Variants in ZNF615 observed in about 807,000 individuals in gnomAD.
ZNF615 encodes zinc finger protein 615.
ZNF615 carries 15 observed loss-of-function variants against 15.3 expected under a neutral mutation model. That is an observed-to-expected ratio of 0.98 (90% CI 0.66 to 1.51). The LOEUF is 1.51. Ranked by LOEUF, ZNF615 falls within the 40% of genes most tolerant of loss-of-function variation. The pLI, the probability that ZNF615 is intolerant of heterozygous loss-of-function variation, is 0.00. For synonymous variants in ZNF615, 268 were observed against 294.6 expected (o/e 0.91, Z 0.92); for missense variants, 848 against 895.9 (o/e 0.95, Z 0.68).
chr19:52,007,132 A>G (rs935316339), intron 2 of ZNF615, among the ~76,000 whole-genome samples, 161 bp downstream of exon 2: 3 of 152,248 alleles, frequency 2.0e-5, no homozygotes, highest in Non-Finnish European at 4.4e-5. Context: ...AAACAGTAAA[A>G]ACAACTTCTA....
intron 5 of ZNF615, among the ~76,000 whole-genome samples, chr19:52,001,414 T>A (rs1287005195): frequency 6.6e-6 from 1 of 151,794 alleles, no homozygotes; most frequent in Non-Finnish European, 1.5e-5. Context: ...GGTCAAGAGA[T>A]CAAGACCATC....
chr19:51,993,881 A>G lies in ZNF615; in HGVS notation c.1228T>C (p.Leu410=). The G allele has an allele frequency of 6.2e-7, 1 of 1,613,428 alleles. No individual in the cohort carries two copies. The change falls in exon 7 of 7, where the codon TTA becomes CTA. Residue 410 remains leucine, a synonymous_variant. Coordinates refer to ENST00000598071, the MANE Select transcript of ZNF615 (RefSeq NM_001199324.2). ...TTTCCACATTCACTACATGTATATA[A>G]TTTCTCTCCTGTATGAGTTTGCTGA... is the stretch of plus-strand genomic sequence containing the variant. ...THQQTHTGEK[L]YTCSECGKGF... is the part of the protein sequence containing the mutation.
At chr19:52,001,948 CG>C in intron 4 of ZNF615, 40 bp from the exon 5 acceptor site, 1 of 1,608,924 alleles carries the variant, frequency 6.2e-7, no homozygotes, top group Non-Finnish European at 8.5e-7. Flanking sequence ...ACAAATCAAA[CG>C]GGGCTGGCAA....
Position 51,993,723 on chromosome 19 carries a change from A to G in ZNF615, c.1386T>C (p.Thr462=). The G allele has an allele frequency of 2.5e-6, 4 of 1,612,516 alleles. No individual in the cohort carries two copies. Among genetic ancestry groups the G allele is most frequent in the Non-Finnish European group, 3.4e-6 (4 of 1,179,588 alleles). ...CGGTGCATACATAGGGTTTCTCTCC[A>G]GTATGTGTTCGCTGATGTCTGATGA... is the stretch of plus-strand genomic sequence containing the variant. ...SPLIRHQRTH[T]GEKPYVCTEC... Residue 462 remains threonine (T), a synonymous_variant, in exon 7 of 7, where the codon ACT becomes ACC. Transcript: ENST00000598071.
chr19:51,993,131 T>C lies in ZNF615; in HGVS notation c.1978A>G (p.Lys660Glu). ...CATTCAGTACATGCAAAGGAAGTCT[T>C]TCCTGTGTGAAATCGCTGATGTTGT... ...LIQHQRFHTG[K>E]TSFACTECGK... Residue 660 changes from lysine (K) to glutamate (E), a missense_variant, in exon 7 of 7, where the codon AAG becomes GAG. Physicochemically the swap from Lys to Glu is moderately conservative, Grantham distance 56. Transcript: ENST00000598071. 6.2e-7 allele frequency: 1 copy of C among 1,614,216 alleles called. No homozygotes were observed. Among genetic ancestry groups the C allele is most frequent in the African/African-American group, 1.3e-5 (1 of 75,060 alleles).
Position 51,995,534 on chromosome 19 carries a change from T to C in ZNF615, c.272-697A>G, listed in dbSNP as rs539395080. Among the ~76,000 whole-genome samples, 13 of 151,942 alleles carry C rather than the reference T, an allele frequency of 8.6e-5. No individual in the cohort carries two copies. The East Asian group carries it at 2.5e-3, about 29-fold the overall frequency. Reference sequence around the variant, plus strand: ...AATGACATCTATGTGTAAGTCACTATGCTCATGTTTGGGATATACAAACAC... The same window carrying C: ...AATGACATCTATGTGTAAGTCACTACGCTCATGTTTGGGATATACAAACAC... On this transcript the variant is annotated intron_variant, in intron 6 of 6. Transcript: ENST00000598071.
At chr19:52,005,813 G>A (rs968940737) in intron 2 of ZNF615, among the ~76,000 whole-genome samples, 1 of 152,176 alleles carries the variant, frequency 6.6e-6, no homozygotes, top group Non-Finnish European at 1.5e-5. Flanking sequence ...TCAGTAGAAT[G>A]CAGTATAAAA....
Position 51,992,085 on chromosome 19 carries a change from C to G in ZNF615, c.*795G>C, listed in dbSNP as rs1022401410. ...TGAATATACTGTATCCAGTTTCATT[C>G]TGAAGTACTTTAGTTATTCTGAAAT... On this transcript the variant is annotated 3_prime_UTR_variant, in exon 7 of 7. Transcript: ENST00000598071. 6.6e-6 allele frequency: 1 copy of G among 152,138 alleles called. No homozygotes were observed. The highest frequency in any genetic ancestry group is 2.4e-5 in the African/African-American group (1 of 41,418). 9.4% of individuals were successfully genotyped at this position (152,138 alleles called of 1,614,324 possible).
In ZNF615 at chr19:51,993,872, A is replaced by G. The variant is rs767072970; in HGVS notation, c.1237T>C (p.Cys413Arg). 6 of 1,613,986 alleles carry G rather than the reference A, an allele frequency of 3.7e-6. No individual in the cohort carries two copies. The change falls in exon 7 of 7, where the codon TGT becomes CGT. Residue 413 changes from cysteine to arginine, a missense_variant. Coordinates refer to ENST00000598071, the MANE Select transcript of ZNF615 (RefSeq NM_001199324.2). Reference protein sequence around the residue: ...QTHTGEKLYTCSECGKGFSMK... With the variant: ...QTHTGEKLYTRSECGKGFSMK... ...GAAAAGCCTTTTCCACATTCACTAC[A>G]TGTATATAATTTCTCTCCTGTATGA... is the stretch of plus-strand genomic sequence containing the variant.
rs1483510596 is a variant in ZNF615, at chr19:51,993,165, T to C, written c.1944A>G (p.Thr648=). The C allele has an allele frequency of 5.6e-6, 9 of 1,614,152 alleles. No individual in the cohort carries two copies. In the East Asian group the frequency reaches 8.9e-5, roughly 16 times the overall value. ...GAAATCGCTGATGTTGTATGAGGCA[T>C]GTCTTCTTCCTGAAGGTTTTATCAC... ...NECDKTFRKK[T]CLIQHQRFHT... The change falls in exon 7 of 7, where the codon ACA becomes ACG. Residue 648 remains threonine, a synonymous_variant. Transcript: ENST00000598071.
rs2086361205 is a variant in ZNF615, at chr19:51,994,519, A to G, written c.590T>C (p.Ile197Thr). The change falls in exon 7 of 7, where the codon ATT becomes ACT. Residue 197 changes from isoleucine to threonine, a missense_variant. Physicochemically the swap from Ile to Thr is moderately conservative, Grantham distance 89 (BLOSUM62 -1). Coordinates refer to ENST00000598071, the MANE Select transcript of ZNF615 (RefSeq NM_001199324.2). ...TTGCTTAATGAACTGGGACTTATTA[A>G]TAGGTTTTGCAATTGCAGGAAACTT... ...EMKFPAIAKPINKSQFIKQQR... is the reference protein window; with the variant it reads ...EMKFPAIAKPTNKSQFIKQQR... 1 of 1,614,178 alleles carries G rather than the reference A, an allele frequency of 6.2e-7. No individual in the cohort carries two copies. The highest frequency in any genetic ancestry group is 1.3e-5 in the African/African-American group (1 of 75,050).
chr19:51,996,324 T>G (rs1369462293), intron 6 of ZNF615, among the ~76,000 whole-genome samples: 3 of 136,154 alleles, frequency 2.2e-5, no homozygotes, highest in African/African-American at 5.7e-5. Context: ...AGGTGGAGGT[T>G]GCAGTGGGCT....
In ZNF615 at chr19:51,998,088, T is replaced by C. The variant is rs146622669; in HGVS notation, c.271+2258A>G. On this transcript the variant is annotated intron_variant, in intron 6 of 6. Transcript: ENST00000598071. Reference sequence around the variant, plus strand: ...TCTACGTAGCAGGCAAAGTAATCTATCAAATAAATTAGTTATATCATGTCA... The same window carrying C: ...TCTACGTAGCAGGCAAAGTAATCTACCAAATAAATTAGTTATATCATGTCA... 4.6e-5 allele frequency among the ~76,000 whole-genome samples: 7 copies of C among 152,328 alleles called. No individual in the cohort carries two copies. The East Asian group carries it at 1.3e-3, about 29-fold the overall frequency.
intron 6 of ZNF615, 147 bp from the exon 7 acceptor site, chr19:51,994,984 T>G: frequency 1.2e-6 from 1 of 822,856 alleles, no homozygotes; most frequent in Non-Finnish European, 1.7e-6. Flanking sequence ...CAATAAAGCT[T>G]TTTAATCACC....
chr19:51,999,060 T>G (rs1016985100), intron 6 of ZNF615, among the ~76,000 whole-genome samples: 1 of 152,226 alleles, frequency 6.6e-6, no homozygotes, highest in African/African-American at 2.4e-5. Context: ...TATTTCTATA[T>G]TCTAGCAATG....
intron 5 of ZNF615, 66 bp downstream of exon 5, chr19:52,001,747 A>T (rs558073592): frequency 2.2e-6 from 3 of 1,366,150 alleles, no homozygotes; most frequent in South Asian, 2.3e-5. Context: ...CACTGCTTTG[A>T]CGCCTGCTCT....
Position 51,992,901 on chromosome 19 carries a change from T to C in ZNF615, c.2208A>G (p.Lys736=). ...KAFAHLSILV[K]HRRIHR is the part of the protein sequence containing the mutation. ...ATGACTACCTGTGAATTCTCCTGTG[T>C]TTAACAAGGATAGACAAGTGCGCAA... The change falls in exon 7 of 7, where the codon AAA becomes AAG. Residue 736 remains lysine (K), a synonymous_variant. Coordinates refer to ENST00000598071, the MANE Select transcript of ZNF615 (RefSeq NM_001199324.2). 3 of 1,614,058 alleles carry C rather than the reference T, an allele frequency of 1.9e-6. No individual in the cohort carries two copies. Among genetic ancestry groups the C allele is most frequent in the Middle Eastern group, 1.6e-4 (1 of 6,062 alleles).
In ZNF615 at chr19:51,993,750, T is replaced by C. The variant is rs751402770; in HGVS notation, c.1359A>G (p.Pro453=). 1.2e-6 allele frequency: 2 copies of C among 1,611,718 alleles called. No individual in the cohort carries two copies. Among genetic ancestry groups the C allele is most frequent in the African/African-American group, 1.3e-5 (1 of 74,206 alleles). ...ECGKGFALKS[P]LIRHQRTHTG... ...TATGTGTTCGCTGATGTCTGATGAG[T>C]GGGCTCTTCAAAGCGAAGCCCTTTC... The change falls in exon 7 of 7, where the codon CCA becomes CCG. Residue 453 remains proline (P), a synonymous_variant. Transcript: ENST00000598071.
Position 51,994,638 on chromosome 19 carries a change from C to A in ZNF615, c.471G>T (p.Gln157His). 6.2e-7 allele frequency: 1 copy of A among 1,613,038 alleles called. No homozygotes were observed. The highest frequency in any genetic ancestry group is 8.5e-7 in the Non-Finnish European group (1 of 1,179,896). Residue 157 changes from glutamine (Q) to histidine (H), a missense_variant, in exon 7 of 7, where the codon CAG becomes CAT. Transcript: ENST00000598071. ...PLKSNLSFEN[Q>H]KRSSGLKNSA... ...AGTTCTTTAGGCCAGAGCTCCTTTT[C>A]TGGTTTTCAAAACTTAAATTTGATT...
Sources: gnomAD v4.1 joint callset for allele counts (sites outside exome capture counted in the v4.1 genomes callset) on GRCh38, gnomAD v4.1.1 for gene constraint, MANE v1.5 for transcripts, NCBI Gene and HGNC (gene_info 2026-07-23, HGNC 2026-07-21) for gene names.